Variants in ITGAV observed in about 807,000 individuals in gnomAD.
ITGAV encodes the protein integrin subunit alpha V.
In ITGAV, 76 loss-of-function variants were observed where a neutral mutation model predicts 143.8. The observed-to-expected ratio is 0.53, with a 90% CI of 0.44 to 0.64. ITGAV has a LOEUF of 0.64. Ranked by LOEUF, ITGAV falls within the 30% of genes least tolerant of loss-of-function variation. The pLI, the probability that ITGAV is intolerant of heterozygous loss-of-function variation, is 0.00. For synonymous variants in ITGAV, 453 were observed against 446.7 expected (o/e 1.01, Z -0.18); for missense variants, 1,193 against 1,274.7 (o/e 0.94, Z 0.98).
chr2:186,663,200 A>G (rs1445626865), intron 18 of ITGAV, among the ~76,000 whole-genome samples: 4 of 151,616 alleles, frequency 2.6e-5, no homozygotes, highest in East Asian at 1.9e-4. Context: ...CTTTTCCTTC[A>G]TCTTTTTCCA....
At chr2:186,633,223 A>G in intron 5 of ITGAV, 106 bp from the exon 6 acceptor site, 1 of 518,660 alleles carries the variant, frequency 1.9e-6, no homozygotes, top group East Asian at 3.3e-5. Context: ...TGTATTGTTC[A>G]GTCATGTATA....
chr2:186,593,303 G>T (rs1686664383), intron 1 of ITGAV, among the ~76,000 whole-genome samples: 1 of 152,146 alleles, frequency 6.6e-6, no homozygotes, highest in Non-Finnish European at 1.5e-5. Flanking sequence ...GTTTTGTTGT[G>T]AAAATTAATG....
At chr2:186,630,225 G>C (rs910547712) in intron 4 of ITGAV, among the ~76,000 whole-genome samples, 8 of 151,892 alleles carry the variant, frequency 5.3e-5, no homozygotes, top group Admixed American at 5.3e-4. Flanking sequence ...TAATAACAAA[G>C]GTCTTAGCGA....
chr2:186,590,435 C>T lies in ITGAV; in HGVS notation c.97C>T (p.Leu33=), dbSNP rs1204366529. ...LLLPLCRAFN[L]DVDSPAEYSG... is the part of the protein sequence containing the mutation. ...GCTACCTCTGTGCCGCGCCTTCAAC[C>T]TAGACGTGGACAGTCCTGCCGAGTA... The change falls in exon 1 of 30, where the codon CTA becomes TTA. Residue 33 remains leucine (L), a synonymous_variant. Transcript: ENST00000261023. 1 of 1,613,240 alleles carries T rather than the reference C, an allele frequency of 6.2e-7. No individual in the cohort carries two copies. Among genetic ancestry groups the T allele is most frequent in the Non-Finnish European group, 8.5e-7 (1 of 1,179,858 alleles).
intron 4 of ITGAV, 91 bp downstream of exon 4, chr2:186,625,678 T>TGTGTGTGTGAGAGA: frequency 2.2e-6 from 1 of 451,372 alleles, no homozygotes; most frequent in South Asian, 4.5e-5. Context: ...TGTGTGTGTG[T>TGTGTGTGTGAGAGA]GAGAGAGAGA....
intron 4 of ITGAV, among the ~76,000 whole-genome samples, chr2:186,629,945 G>C (rs1337102021): frequency 6.6e-6 from 1 of 152,048 alleles, no homozygotes; most frequent in Non-Finnish European, 1.5e-5. Flanking sequence ...TAATTGTTCA[G>C]AATTAATCCC....
intron 3 of ITGAV, among the ~76,000 whole-genome samples, chr2:186,623,520 TC>T (rs1687591760): frequency 6.6e-6 from 1 of 152,138 alleles, no homozygotes; most frequent in Non-Finnish European, 1.5e-5. Context: ...TTCCTTTGCT[TC>T]CTCTAACTAC....
intron 12 of ITGAV, among the ~76,000 whole-genome samples, chr2:186,644,168 TC>T (rs1195551709): frequency 2.0e-5 from 3 of 152,024 alleles, no homozygotes; most frequent in African/African-American, 7.3e-5. Flanking sequence ...GGTCTCAAAC[TC>T]CTGGGCTTAA....
At chr2:186,608,967 T>G (rs1687141693) in intron 2 of ITGAV, among the ~76,000 whole-genome samples, 1 of 152,154 alleles carries the variant, frequency 6.6e-6, no homozygotes, top group Admixed American at 6.5e-5. Context: ...ATGAGAATAA[T>G]TTCTTGTCCA....
In ITGAV at chr2:186,675,662, G is replaced by C; in HGVS notation, c.2765G>C (p.Gly922Ala). 1.9e-6 allele frequency: 3 copies of C among 1,614,088 alleles called. No individual in the cohort carries two copies. In the South Asian group the frequency reaches 3.3e-5, roughly 18 times the overall value. The change falls in exon 27 of 30, where the codon GGA (glycine) becomes GCA (alanine). Residue 922 changes from glycine to alanine, a missense_variant. Transcript: ENST00000261023. ...IVCQVGRLDRGKSAILYVKSL... is the reference protein window; with the variant it reads ...IVCQVGRLDRAKSAILYVKSL... ...TGCCAAGTTGGGAGATTAGACAGAG[G>C]AAAGAGTGCAATCTTGTACGTAAAG...
At position 186,669,824 on chromosome 2, in the gene ITGAV, A is replaced by G. The variant is rs761985695; in HGVS notation, c.2706+10A>G. 5 of 1,530,328 alleles carry G rather than the reference A, an allele frequency of 3.3e-6. No individual in the cohort carries two copies. In the East Asian group the frequency reaches 6.7e-5, roughly 21 times the overall value. 94.8% of individuals were successfully genotyped at this position (1,530,328 alleles called of 1,614,324 possible). ...AGATATTCACACTTTGGTAAGTGCCATTTCAAATATGTGCACCATAGACAT... is the reference window on the plus strand; with the variant it reads ...AGATATTCACACTTTGGTAAGTGCCGTTTCAAATATGTGCACCATAGACAT... On this transcript the variant is annotated intron_variant, in intron 26 of 29. Transcript: ENST00000261023.
intron 5 of ITGAV, among the ~76,000 whole-genome samples, chr2:186,632,994 TAGATAGATACATAGAC>T (rs1324025407): frequency 1.3e-5 from 2 of 151,526 alleles, no homozygotes; most frequent in East Asian, 3.9e-4. Flanking sequence ...GATAGATAGA[TAGATAGATACATAGAC>T]AGATAGATAC....
At chr2:186,648,090 A>C (rs1168598425) in intron 13 of ITGAV, among the ~76,000 whole-genome samples, 2 of 152,154 alleles carry the variant, frequency 1.3e-5, no homozygotes, top group East Asian at 3.8e-4. Context: ...TTTCTTTATT[A>C]TTCTTCTAAA....
intron 8 of ITGAV, among the ~76,000 whole-genome samples, chr2:186,637,641 A>G (rs1338148482): frequency 6.6e-6 from 1 of 152,232 alleles, no homozygotes; most frequent in African/African-American, 2.4e-5. Context: ...AAATTGAGAC[A>G]GCTACACTTG....
chr2:186,598,293 AT>A (rs1430787158), intron 1 of ITGAV, among the ~76,000 whole-genome samples: 7 of 56,364 alleles, frequency 1.2e-4, no homozygotes, highest in Non-Finnish European at 2.8e-4. Context: ...ATTATAATTT[AT>A]ACACACACAC....
rs2105700758 is a variant in ITGAV at position 186,633,315 on chromosome 2, G to T, written c.586-14G>T. On this transcript the variant is annotated splice_polypyrimidine_tract_variant and intron_variant, in intron 5 of 29. Transcript: ENST00000261023. ...CTTTAAATATATATCTTTTTGTTGT[G>T]TGATTTCATCTAGGCTGACAGAGTA... 1 of 1,547,332 alleles carries T rather than the reference G, an allele frequency of 6.5e-7. No individual in the cohort carries two copies. The highest frequency in any genetic ancestry group is 2.3e-5 in the East Asian group (1 of 44,262).
At chr2:186,659,782 C>CT (rs898890280) in intron 18 of ITGAV, among the ~76,000 whole-genome samples, 202 of 143,770 alleles carry the variant, frequency 1.4e-3, no homozygotes, top group Non-Finnish European at 1.9e-3. Flanking sequence ...CCCATAAGCT[C>CT]TTTTTTTTTT....
intron 28 of ITGAV, 105 bp downstream of exon 28, chr2:186,676,032 T>C: frequency 1.5e-6 from 1 of 664,912 alleles, no homozygotes; most frequent in Non-Finnish European, 2.6e-6. Context: ...TTTTGATAAT[T>C]TAAACTAATG....
At chr2:186,667,073 G>A (rs1314916729) in intron 22 of ITGAV, 77 bp from the exon 23 acceptor site, 12 of 1,058,474 alleles carry the variant, frequency 1.1e-5, no homozygotes, top group Admixed American at 4.7e-5. Flanking sequence ...TTAATTTTTA[G>A]TTTCACTGGG....
Sources: gnomAD v4.1 joint callset for allele counts (sites outside exome capture counted in the v4.1 genomes callset) on GRCh38, gnomAD v4.1.1 for gene constraint, MANE v1.5 for transcripts, NCBI Gene and HGNC (gene_info 2026-07-23, HGNC 2026-07-21) for gene names.